PPM1D: variants seen among roughly 807,000 people sequenced by gnomAD.
PPM1D encodes the protein protein phosphatase, Mg2+/Mn2+ dependent 1D, also known as protein phosphatase 1D.
In PPM1D, 52 loss-of-function variants were observed where a neutral mutation model predicts 58.3. That is an observed-to-expected ratio of 0.89 (90% CI 0.71 to 1.12). The LOEUF (loss-of-function observed/expected upper bound fraction) is 1.12. Among genes scored for constraint, PPM1D ranks in the 50% most tolerant of loss-of-function variants. The probability of loss-of-function intolerance (pLI) is 0.00; values close to 1 mark genes in which losing one functional copy is unlikely to be tolerated. For synonymous variants in PPM1D, 278 were observed against 285.1 expected (o/e 0.98, Z 0.25); for missense variants, 564 against 777.2 (o/e 0.73, Z 3.26).
chr17:60,655,418 G>A (rs1391768246), intron 4 of PPM1D, among the ~76,000 whole-genome samples: 1 of 152,248 alleles, frequency 6.6e-6, no homozygotes, highest in South Asian at 2.1e-4. Flanking sequence ...GCGTGATCTC[G>A]GCTCACTGTA....
intron 1 of PPM1D, among the ~76,000 whole-genome samples, chr17:60,611,142 T>C (rs540669946): frequency 6.6e-6 from 1 of 151,566 alleles, no homozygotes; most frequent in Admixed American, 6.6e-5. Context: ...TGCCTCAGCC[T>C]CCCAAAGTAG....
At chr17:60,610,176 C>CAAA (rs57245998) in intron 1 of PPM1D, among the ~76,000 whole-genome samples, 5 of 69,862 alleles carry the variant, frequency 7.2e-5, no homozygotes, top group African/African-American at 2.0e-4. Flanking sequence ...GAGACTGTCT[C>CAAA]AAAAAAAAAA....
chr17:60,608,768 C>G (rs2030386319), intron 1 of PPM1D, among the ~76,000 whole-genome samples: 1 of 148,462 alleles, frequency 6.7e-6, no homozygotes, highest in Non-Finnish European at 1.5e-5. Context: ...TTTTTTTTGA[C>G]ACAGAGTCTC....
intron 3 of PPM1D, among the ~76,000 whole-genome samples, chr17:60,638,486 A>T (rs968421484): frequency 6.6e-6 from 1 of 151,946 alleles, no homozygotes; most frequent in Non-Finnish European, 1.5e-5. Context: ...CTTCTGCCTC[A>T]GTCTTCCAAG....
intron 1 of PPM1D, among the ~76,000 whole-genome samples, chr17:60,607,529 G>A (rs1379472533): frequency 1.3e-5 from 2 of 152,142 alleles, no homozygotes; most frequent in African/African-American, 4.8e-5. Flanking sequence ...TTGAACTCCC[G>A]ACCTCAAGTG....
chr17:60,627,886 A>ATT (rs994526232), intron 2 of PPM1D, among the ~76,000 whole-genome samples: 3 of 142,746 alleles, frequency 2.1e-5, no homozygotes, highest in African/African-American at 5.1e-5. Context: ...TTGAATAGAA[A>ATT]TTTTTTTTTT....
At chr17:60,615,222 C>T (rs1361376553) in intron 1 of PPM1D, among the ~76,000 whole-genome samples, 1 of 151,994 alleles carries the variant, frequency 6.6e-6, no homozygotes, top group Non-Finnish European at 1.5e-5. Flanking sequence ...CATAGTGGAA[C>T]CCCCTCTGTA....
intron 3 of PPM1D, among the ~76,000 whole-genome samples, chr17:60,637,811 A>T (rs1454389905): frequency 6.6e-6 from 1 of 152,156 alleles, no homozygotes; most frequent in Non-Finnish European, 1.5e-5. Context: ...GAGTTAGGGG[A>T]TGTGAATGGA....
chr17:60,653,099 A>G (rs1325030509), intron 4 of PPM1D, among the ~76,000 whole-genome samples: 3 of 152,122 alleles, frequency 2.0e-5, no homozygotes, highest in Non-Finnish European at 4.4e-5. Flanking sequence ...CGTTTCTCCA[A>G]TGTTGTTTTC....
At chr17:60,636,501 AAAAT>A (rs2143680016) in intron 3 of PPM1D, among the ~76,000 whole-genome samples, 1 of 152,282 alleles carries the variant, frequency 6.6e-6, no homozygotes, top group African/African-American at 2.4e-5. Context: ...GCTACCAAGA[AAAAT>A]AAAGCAGGGA....
At chr17:60,616,684 T>C (rs2030592284) in intron 1 of PPM1D, among the ~76,000 whole-genome samples, 2 of 152,128 alleles carry the variant, frequency 1.3e-5, no homozygotes, top group Admixed American at 1.3e-4. Context: ...GTAGGATGAG[T>C]TTAGAAATAG....
intron 1 of PPM1D, among the ~76,000 whole-genome samples, chr17:60,614,408 G>A (rs1415166204): frequency 6.6e-6 from 1 of 152,144 alleles, no homozygotes; most frequent in African/African-American, 2.4e-5. Flanking sequence ...GAGAACTTTT[G>A]TGTCTATCTC....
intron 3 of PPM1D, among the ~76,000 whole-genome samples, chr17:60,635,549 T>G (rs2143678356): frequency 6.6e-6 from 1 of 152,308 alleles, no homozygotes; most frequent in South Asian, 2.1e-4. Context: ...GAAATGGAAT[T>G]TCTGGGTCAT....
intron 4 of PPM1D, among the ~76,000 whole-genome samples, chr17:60,652,054 A>G (rs1212315189): frequency 6.6e-6 from 1 of 152,244 alleles, no homozygotes; most frequent in Non-Finnish European, 1.5e-5. Flanking sequence ...TATACTATAC[A>G]TATGACATTT....
intron 4 of PPM1D, among the ~76,000 whole-genome samples, chr17:60,648,746 TCAC>T (rs918766037): frequency 2.7e-5 from 4 of 149,452 alleles, no homozygotes; most frequent in Admixed American, 2.7e-4. Context: ...TGTACAACCA[TCAC>T]CACTACTACT....
intron 1 of PPM1D, among the ~76,000 whole-genome samples, chr17:60,617,050 T>G (rs1356177511): frequency 6.6e-6 from 1 of 152,070 alleles, no homozygotes. Context: ...TGAGCTCAAG[T>G]GATCCTCCTG....
chr17:60,634,773 C>T lies in PPM1D; in HGVS notation c.826+796C>T, dbSNP rs78094445. ...TTCAAAGAAAATGTCTCTGAGAAAACGCACATTTGTTTATTTTTATTTTAT... is the reference window on the plus strand; with the variant it reads ...TTCAAAGAAAATGTCTCTGAGAAAATGCACATTTGTTTATTTTTATTTTAT... On this transcript the variant is annotated intron_variant, in intron 3 of 5. Transcript: ENST00000305921. Among the ~76,000 whole-genome samples the T allele has an allele frequency of 1.8e-3, 267 of 152,142 alleles. 3 individuals carry two copies. The highest frequency in any genetic ancestry group is 0.015 in the East Asian group (79 of 5,182).
intron 3 of PPM1D, among the ~76,000 whole-genome samples, chr17:60,635,240 A>C (rs1392381650): frequency 1.3e-5 from 2 of 148,728 alleles, no homozygotes; most frequent in Non-Finnish European, 3.0e-5. Context: ...TTTTAAATGG[A>C]GTTTTACTCT....
chr17:60,601,519 C>T (rs987736823), intron 1 of PPM1D, among the ~76,000 whole-genome samples: 1 of 152,064 alleles, frequency 6.6e-6, no homozygotes, highest in Non-Finnish European at 1.5e-5. Flanking sequence ...ACTAAAAACG[C>T]GGAACGTGTT....
Sources: gnomAD v4.1 joint callset for allele counts (sites outside exome capture counted in the v4.1 genomes callset) on GRCh38, gnomAD v4.1.1 for gene constraint, MANE v1.5 for transcripts, NCBI Gene and HGNC (gene_info 2026-07-23, HGNC 2026-07-21) for gene names.